HTRA3: variants seen among roughly 807,000 people sequenced by gnomAD.
The protein encoded by HTRA3 is serine protease HTRA3.
A neutral mutation model predicts 43.2 loss-of-function variants in HTRA3; 41 were observed. The ratio of observed to expected loss-of-function variants is 0.95; its 90% CI spans 0.74 to 1.23. The LOEUF is 1.23. HTRA3 is among the 50% of genes most tolerant of loss of function. HTRA3 has a pLI of 0.00. For missense variants in HTRA3, 628 were observed against 647.1 expected, an observed-to-expected ratio of 0.97 and a Z score of 0.32; for synonymous variants, 295 against 287.9, an observed-to-expected ratio of 1.02 and a Z score of -0.25.
chr4:8,291,661 G>C, intron 4 of HTRA3, 97 bp downstream of exon 4: 1 of 850,610 alleles, frequency 1.2e-6, no homozygotes, highest in Non-Finnish European at 1.8e-6. Flanking sequence ...CCTCCCCAGA[G>C]CCATTCTGGC....
In HTRA3 at chr4:8,296,799, C is replaced by A. The variant is rs1048614235; in HGVS notation, c.1051+2598C>A. Among the ~76,000 whole-genome samples, 1 of 152,144 alleles carries A rather than the reference C, an allele frequency of 6.6e-6. No individual in the cohort carries two copies. The highest frequency in any genetic ancestry group is 1.9e-4 in the East Asian group (1 of 5,156). On this transcript the variant is annotated intron_variant, in intron 6 of 8. Transcript: ENST00000307358. This position sits in a 1 kb window ranked among gnomAD's most constrained non-coding sequence, Gnocchi z 5.3. ...AGACCTCTGGCCTGGGGGGTAAACC[C>A]CTCGTTTATCCTGTGGCCCACAAGC...
At chr4:8,293,980 G>A in intron 5 of HTRA3, 107 bp from the exon 6 acceptor site, 1 of 703,280 alleles carries the variant, frequency 1.4e-6, no homozygotes, top group Non-Finnish European at 2.5e-6. Context: ...TAGGGGGATT[G>A]ACAGCTGGGG....
Position 8,270,311 on chromosome 4 carries a change from G to C in HTRA3, c.343G>C (p.Gly115Arg), listed in dbSNP as rs956501315. 2.7e-6 allele frequency: 4 copies of C among 1,466,944 alleles called. No homozygotes were observed. Among genetic ancestry groups the C allele is most frequent in the Non-Finnish European group, 3.6e-6 (4 of 1,116,312 alleles). The allele number at this position is 1,466,944 out of a possible 1,614,324, so 90.9% of individuals were successfully genotyped here. A position where few individuals can be genotyped will look rare whatever the true frequency, so the allele number is the denominator to read the frequency against. The change falls in exon 1 of 9, where the codon GGG becomes CGG. Residue 115 changes from glycine (G) to arginine (R), a missense_variant. Gly to Arg is a moderately radical substitution (Grantham distance 125, BLOSUM62 -2). Coordinates refer to ENST00000307358, the MANE Select transcript of HTRA3 (RefSeq NM_053044.5). ...AASRRALQLS[G>R]TPVRQLQKGA... ...CAGCCGCCGCGCGCTGCAGCTCTCCGGGACGCCCGTGCGCCAGCTGCAGAA... is the reference window on the plus strand; with the variant it reads ...CAGCCGCCGCGCGCTGCAGCTCTCCCGGACGCCCGTGCGCCAGCTGCAGAA...
intron 7 of HTRA3, among the ~76,000 whole-genome samples, chr4:8,303,314 C>A (rs1713728247): frequency 6.6e-6 from 1 of 152,214 alleles, no homozygotes; most frequent in South Asian, 2.1e-4. Flanking sequence ...GCTGTCAGCT[C>A]CTTGGGAGCA....
chr4:8,304,643 G>GTTTTTTGTGT (rs1560144611), intron 8 of HTRA3, among the ~76,000 whole-genome samples: 2 of 62,736 alleles, frequency 3.2e-5, no homozygotes, highest in East Asian at 1.0e-3. Flanking sequence ...TCAGCCTATT[G>GTTTTTTGTGT]TTTTTTTTTT....
Position 8,270,197 on chromosome 4 carries a change from G to A in HTRA3, c.229G>A (p.Val77Met), listed in dbSNP as rs1297563881. 1 of 1,540,798 alleles carries A rather than the reference G, an allele frequency of 6.5e-7. No individual in the cohort carries two copies. The highest frequency in any genetic ancestry group is 8.7e-7 in the Non-Finnish European group (1 of 1,155,950). The change falls in exon 1 of 9, where the codon GTG becomes ATG. Residue 77 changes from valine (V) to methionine (M), a missense_variant. Physicochemically the swap from Val to Met is conservative, Grantham distance 21. Coordinates refer to ENST00000307358, the MANE Select transcript of HTRA3 (RefSeq NM_053044.5). ...DSPCGESLEC[V>M]RGLCRCRWSH... ...GCCTTGCGGCGAGAGCCTGGAGTGCGTGCGCGGCCTATGCCGCTGCCGCTG... is the reference window on the plus strand; with the variant it reads ...GCCTTGCGGCGAGAGCCTGGAGTGCATGCGCGGCCTATGCCGCTGCCGCTG...
intron 2 of HTRA3, among the ~76,000 whole-genome samples, chr4:8,284,600 G>A (rs1712885555): frequency 6.6e-6 from 1 of 152,256 alleles, no homozygotes. Flanking sequence ...GCCCTGTGAG[G>A]CACCCTGGGG....
intron 6 of HTRA3, among the ~76,000 whole-genome samples, chr4:8,298,087 C>T (rs941201566): frequency 3.9e-5 from 6 of 152,230 alleles, no homozygotes; most frequent in African/African-American, 9.7e-5. Flanking sequence ...CCGGGGCACT[C>T]GCTGCCCTGG....
intron 1 of HTRA3, among the ~76,000 whole-genome samples, chr4:8,282,045 T>A (rs574870613): frequency 3.9e-5 from 6 of 152,264 alleles, no homozygotes; most frequent in African/African-American, 1.2e-4. Flanking sequence ...GTAAGGGTAT[T>A]GCTGTAGCAT....
intron 8 of HTRA3, among the ~76,000 whole-genome samples, chr4:8,304,671 T>G: frequency 7.0e-6 from 1 of 143,698 alleles, no homozygotes. Flanking sequence ...TTTTTTTTTT[T>G]TTTGAGACAG....
Position 8,306,270 on chromosome 4 carries a change from C to T in HTRA3, c.*134C>T, listed in dbSNP as rs536304974. 1.2e-5 allele frequency: 12 copies of T among 985,076 alleles called. No individual in the cohort carries two copies. In the African/African-American group the frequency reaches 1.3e-4, roughly 11 times the overall value. The allele number at this position is 985,076 out of a possible 1,614,324, so 61.0% of individuals were successfully genotyped here. A position where few individuals can be genotyped will look rare whatever the true frequency, so the allele number is the denominator to read the frequency against. On this transcript the variant is annotated 3_prime_UTR_variant, in exon 9 of 9. Transcript: ENST00000307358. This position sits in a 1 kb window ranked among gnomAD's most constrained non-coding sequence, Gnocchi z 8.9. ...CTCCTCCTGGCTGTCCGGGGCAGAG[C>T]GGAGGCTGGGCTTGGCCAGGGGCCC...
intron 8 of HTRA3, 85 bp from the exon 9 acceptor site, chr4:8,305,886 C>G (rs1471487493): frequency 1.9e-5 from 28 of 1,470,376 alleles, no homozygotes; most frequent in Non-Finnish European, 2.7e-5. Context: ...GTCATTGACC[C>G]TGACTGTGCC....
At chr4:8,274,950 C>T (rs1712458922) in intron 1 of HTRA3, among the ~76,000 whole-genome samples, 1 of 152,198 alleles carries the variant, frequency 6.6e-6, no homozygotes, top group South Asian at 2.1e-4. Context: ...GATTTGTAAT[C>T]CTCTTAGCAG....
chr4:8,301,103 A>G (rs559970586), intron 6 of HTRA3, among the ~76,000 whole-genome samples: 1 of 145,594 alleles, frequency 6.9e-6, no homozygotes, highest in South Asian at 2.2e-4. Context: ...TTTATTATTG[A>G]TTCACACTCT....
At chr4:8,277,942 G>A (rs1337109101) in intron 1 of HTRA3, among the ~76,000 whole-genome samples, 1 of 152,200 alleles carries the variant, frequency 6.6e-6, no homozygotes, top group African/African-American at 2.4e-5. Context: ...ACAGAACTGG[G>A]TGTCAGTCCC....
In HTRA3 at chr4:8,295,679, T is replaced by C; in HGVS notation, c.1051+1478T>C. 7.0e-7 allele frequency: 1 copy of C among 1,418,802 alleles called. No individual in the cohort carries two copies. Among genetic ancestry groups the C allele is most frequent in the Non-Finnish European group, 9.2e-7 (1 of 1,084,092 alleles). 87.9% of individuals were successfully genotyped at this position (1,418,802 alleles called of 1,614,324 possible). A position where few individuals can be genotyped will look rare whatever the true frequency, so the allele number is the denominator to read the frequency against. ...AGCAACTCACACTTCCACATTGCTT[T>C]GCTGTCTCCTCCCAGCCCCCTCACT... is the stretch of plus-strand genomic sequence containing the variant. On this transcript the variant is annotated intron_variant, in intron 6 of 8. Coordinates refer to ENST00000307358, the MANE Select transcript of HTRA3 (RefSeq NM_053044.5). This position sits in a 1 kb window ranked among gnomAD's most constrained non-coding sequence, Gnocchi z 6.9.
rs1234075518 is a variant in HTRA3, at chr4:8,294,205, A to G, written c.1051+4A>G. The G allele has an allele frequency of 6.2e-7, 1 of 1,602,022 alleles. No homozygotes were observed. The highest frequency in any genetic ancestry group is 1.7e-5 in the Admixed American group (1 of 59,602). On this transcript the variant is annotated splice_donor_region_variant and intron_variant, in intron 6 of 8. Coordinates refer to ENST00000307358, the MANE Select transcript of HTRA3 (RefSeq NM_053044.5). ...TTCCAAGACAAGCAGATCAAAGGTA[A>G]AGAGCTCACCTGGAGGGGGCCAGAG...
At chr4:8,287,006 C>T (rs1713013741) in intron 3 of HTRA3, among the ~76,000 whole-genome samples, 1 of 152,126 alleles carries the variant, frequency 6.6e-6, no homozygotes. Context: ...CCGCTAGGTG[C>T]AGGGCAGAGC....
At chr4:8,278,926 G>C (rs1338873883) in intron 1 of HTRA3, among the ~76,000 whole-genome samples, 2 of 152,146 alleles carry the variant, frequency 1.3e-5, no homozygotes, top group East Asian at 3.8e-4. Flanking sequence ...CTGTGTGCTG[G>C]CTCAGAGAGC....
Sources: allele counts gnomAD v4.1 joint callset (sites outside exome capture counted in the v4.1 genomes callset), GRCh38; gene constraint gnomAD v4.1.1; non-coding constraint Gnocchi (gnomAD v3.1); transcripts MANE v1.5; gene names NCBI Gene and HGNC (gene_info 2026-07-23, HGNC 2026-07-21).